NRXN3: variants seen among roughly 807,000 people sequenced by gnomAD.
NRXN3 encodes neurexin 3, also known as neurexin III.
NRXN3 carries 32 observed loss-of-function variants against 137.6 expected under a neutral mutation model. The ratio of observed to expected loss-of-function variants is 0.23; its 90% CI spans 0.18 to 0.31. The LOEUF is 0.31. Ranked by LOEUF, NRXN3 falls within the 10% of genes least tolerant of loss-of-function variation. The pLI is 1.00. For missense variants in NRXN3, 1,574 were observed against 2,062.5 expected (o/e 0.76, Z 4.59); for synonymous variants, 798 against 784.5 (o/e 1.02, Z -0.29).
chr14:78,654,163 A>G (rs1431540214), intron 6 of NRXN3, among the ~76,000 whole-genome samples: 1 of 152,226 alleles, frequency 6.6e-6, no homozygotes, highest in Non-Finnish European at 1.5e-5. Context: ...CTATGGAGAT[A>G]CTTCTCTTGT....
chr14:79,249,489 C>G (rs2075655171), intron 15 of NRXN3, among the ~76,000 whole-genome samples: 2 of 152,176 alleles, frequency 1.3e-5, no homozygotes, highest in Admixed American at 1.3e-4. Flanking sequence ...TGTGAAAAGT[C>G]TCAATTGTCC....
intron 4 of NRXN3, among the ~76,000 whole-genome samples, chr14:78,355,491 C>T (rs2084155285): frequency 6.6e-6 from 1 of 152,194 alleles, no homozygotes; most frequent in Admixed American, 6.5e-5. Context: ...TCCTGGCTCA[C>T]TGCCACCTCC....
intron 4 of NRXN3, among the ~76,000 whole-genome samples, chr14:78,368,260 T>C (rs1567383029): frequency 6.6e-6 from 1 of 152,170 alleles, no homozygotes. Context: ...AAAAACAATG[T>C]AGAAAGTAAC....
At chr14:78,831,530 A>G (rs1184370928) in intron 10 of NRXN3, among the ~76,000 whole-genome samples, 2 of 71,774 alleles carry the variant, frequency 2.8e-5, no homozygotes, top group Non-Finnish European at 5.2e-5. Flanking sequence ...GGGAGACTCC[A>G]TGTCAAAAAA....
chr14:79,144,178 T>G (rs1320434385), intron 15 of NRXN3, among the ~76,000 whole-genome samples: 2 of 152,166 alleles, frequency 1.3e-5, no homozygotes, highest in African/African-American at 4.8e-5. Context: ...TGATAATACG[T>G]ATTTGGACAA....
intron 16 of NRXN3, among the ~76,000 whole-genome samples, chr14:79,539,235 C>T (rs867344745): frequency 5.9e-5 from 9 of 152,004 alleles, no homozygotes; most frequent in East Asian, 1.9e-4. Flanking sequence ...GGTTTCACCA[C>T]GTTGGCCAGG....
At chr14:79,302,317 G>A (rs570255483) in intron 15 of NRXN3, among the ~76,000 whole-genome samples, 1 of 152,118 alleles carries the variant, frequency 6.6e-6, no homozygotes, top group African/African-American at 2.4e-5. Context: ...AGAAAAAGAG[G>A]TTTATTGGGC....
chr14:79,381,529 C>T lies in NRXN3; in HGVS notation c.3263-85692C>T, dbSNP rs146274967. Among the ~76,000 whole-genome samples the T allele has an allele frequency of 8.4e-4, 128 of 152,146 alleles. No individual in the cohort carries two copies. In the East Asian group the frequency reaches 0.022, roughly 26 times the overall value. On this transcript the variant is annotated intron_variant, in intron 15 of 20. Transcript: ENST00000335750. ...ATCTATGCTTCTTTTCCTCTGAGGA[C>T]GATGAACCCCGGCTGTTCTCTCAGT...
intron 15 of NRXN3, among the ~76,000 whole-genome samples, chr14:79,244,951 G>A (rs1181471698): frequency 2.6e-5 from 4 of 152,180 alleles, no homozygotes; most frequent in South Asian, 2.1e-4. Context: ...TTCAACTGTC[G>A]AGTCTAAAAG....
chr14:79,472,427 C>T (rs1320536196), intron 16 of NRXN3, among the ~76,000 whole-genome samples: 1 of 152,142 alleles, frequency 6.6e-6, no homozygotes, highest in African/African-American at 2.4e-5. Context: ...TTGCTTGCTT[C>T]AAATTAACTA....
chr14:79,719,249 A>ATG lies in NRXN3; in HGVS notation c.4014+21313_4014+21314insGT, dbSNP rs1363452308. 6.4e-3 allele frequency among the ~76,000 whole-genome samples: 330 copies of ATG among 51,790 alleles called. 2 individuals carry two copies. The highest frequency in any genetic ancestry group is 0.017 in the African/African-American group (310 of 18,180). 34.0% of individuals were successfully genotyped at this position (51,790 alleles called of 152,430 possible). On this transcript the variant is annotated intron_variant, in intron 19 of 20. Transcript: ENST00000335750. ...AATATCATCCCGTCATCATAGACAT[A>ATG]TATGTGTGTGTGTGTGTGTGTGTGT...
At chr14:78,850,994 T>C (rs988261284) in intron 10 of NRXN3, among the ~76,000 whole-genome samples, 2 of 152,200 alleles carry the variant, frequency 1.3e-5, no homozygotes, top group Non-Finnish European at 2.9e-5. Context: ...TAAGATTCTG[T>C]ATTTATTCTC....
chr14:78,820,277 A>G (rs1307751064), intron 10 of NRXN3, among the ~76,000 whole-genome samples: 2 of 149,524 alleles, frequency 1.3e-5, no homozygotes, highest in Admixed American at 6.7e-5. Flanking sequence ...GTTTTTATGC[A>G]TATCATAAAA....
intron 16 of NRXN3, among the ~76,000 whole-genome samples, chr14:79,531,416 C>G (rs1320446927): frequency 6.6e-6 from 1 of 152,034 alleles, no homozygotes; most frequent in Admixed American, 6.6e-5. Flanking sequence ...GAGATATATA[C>G]CTGTTAATAG....
At chr14:79,618,788 G>A (rs1368309926) in intron 16 of NRXN3, among the ~76,000 whole-genome samples, 1 of 152,128 alleles carries the variant, frequency 6.6e-6, no homozygotes, top group African/African-American at 2.4e-5. Flanking sequence ...GCTTTCAACA[G>A]TGTCTGAACT....
intron 10 of NRXN3, among the ~76,000 whole-genome samples, chr14:78,852,696 A>G (rs1407419564): frequency 2.6e-5 from 4 of 152,178 alleles, no homozygotes; most frequent in African/African-American, 9.6e-5. Flanking sequence ...CTGCCATTTA[A>G]CTTAAATAAT....
intron 20 of NRXN3, among the ~76,000 whole-genome samples, chr14:79,816,612 G>C (rs1406107730): frequency 6.6e-6 from 1 of 152,138 alleles, no homozygotes; most frequent in African/African-American, 2.4e-5. Flanking sequence ...TCTGTCCCTT[G>C]AGCTTTGGAA....
intron 8 of NRXN3, among the ~76,000 whole-genome samples, chr14:78,722,546 A>G (rs930442797): frequency 6.6e-6 from 1 of 152,166 alleles, no homozygotes; most frequent in Non-Finnish European, 1.5e-5. Context: ...TACAGTTTGG[A>G]TTAAGAAGAA....
intron 1 of NRXN3, among the ~76,000 whole-genome samples, chr14:78,229,839 G>A (rs1230420673): frequency 6.6e-6 from 1 of 152,070 alleles, no homozygotes; most frequent in Non-Finnish European, 1.5e-5. Context: ...ACAGTGTGAG[G>A]GTTGGTAGCA....
Sources: allele counts gnomAD v4.1 joint callset (sites outside exome capture counted in the v4.1 genomes callset), GRCh38; gene constraint gnomAD v4.1.1; transcripts MANE v1.5; gene names NCBI Gene and HGNC (gene_info 2026-07-23, HGNC 2026-07-21).